The following ALPK2 variants were observed in gnomAD, a reference collection of about 807,000 sequenced individuals.
ALPK2 encodes the protein alpha-protein kinase 2.
Under a neutral mutation model 163.1 loss-of-function variants are expected in ALPK2, and 127 were observed. That is an observed-to-expected ratio of 0.78 (90% CI 0.67 to 0.90). The LOEUF (loss-of-function observed/expected upper bound fraction) is 0.90. ALPK2 is among the 40% of genes least tolerant of loss of function. The pLI, the probability that ALPK2 is intolerant of heterozygous loss-of-function variation, is 0.00. For missense variants in ALPK2, 2,360 were observed against 2,589.6 expected (o/e 0.91, Z 1.92); for synonymous variants, 953 against 959.1 (o/e 0.99, Z 0.12).
chr18:58,574,905 C>A (rs62096290), intron 4 of ALPK2, among the ~76,000 whole-genome samples: 31,235 of 152,024 alleles, frequency 0.21, 3,493 homozygotes, highest in East Asian at 0.42. Context: ...TGGTGGAGAC[C>A]AACGATCATT....
At chr18:58,510,316 C>T (rs1265319387) in intron 10 of ALPK2, among the ~76,000 whole-genome samples, 7 of 152,208 alleles carry the variant, frequency 4.6e-5, no homozygotes, top group South Asian at 2.1e-4. Flanking sequence ...AGTCAGGTAG[C>T]GCGATGCCTC....
chr18:58,582,203 G>A lies in ALPK2; in HGVS notation c.228-1655C>T, dbSNP rs1003217402. Among the ~76,000 whole-genome samples, 12 of 152,206 alleles carry A rather than the reference G, an allele frequency of 7.9e-5. No individual in the cohort carries two copies. In the South Asian group the frequency reaches 8.3e-4, roughly 11 times the overall value. ...ACTTTCTGGAGAAAACAATACCTGC[G>A]CTCCTGTCTATTTCACTAAGTTATT... is the stretch of plus-strand genomic sequence containing the variant. On this transcript the variant is annotated intron_variant, in intron 3 of 12. Coordinates refer to ENST00000361673, the MANE Select transcript of ALPK2 (RefSeq NM_052947.4).
At chr18:58,563,763 T>G (rs916447180) in intron 4 of ALPK2, among the ~76,000 whole-genome samples, 7 of 152,340 alleles carry the variant, frequency 4.6e-5, no homozygotes, top group African/African-American at 1.7e-4. Flanking sequence ...ATTCCTCCAT[T>G]GTTAGATTGT....
chr18:58,535,697 G>T lies in ALPK2; in HGVS notation c.4490C>A (p.Pro1497His). The change falls in exon 5 of 13, where the codon CCC (proline) becomes CAC (histidine). Residue 1497 changes from proline (P) to histidine (H), a missense_variant. Transcript: ENST00000361673. ...TGGAATTCTTTCACCGCCTTCGCTGGGTTGCAGGACTTGCCAAATGGCAGT... is the reference window on the plus strand; with the variant it reads ...TGGAATTCTTTCACCGCCTTCGCTGTGTTGCAGGACTTGCCAAATGGCAGT... ...AKTAIWQVLQ[P>H]SEGGERIPSG... is the part of the protein sequence containing the mutation. The T allele has an allele frequency of 6.2e-7, 1 of 1,614,242 alleles. No individual in the cohort carries two copies. Among genetic ancestry groups the T allele is most frequent in the Non-Finnish European group, 8.5e-7 (1 of 1,180,044 alleles).
At chr18:58,495,211 G>A (rs916260823) in intron 12 of ALPK2, among the ~76,000 whole-genome samples, 4 of 152,194 alleles carry the variant, frequency 2.6e-5, no homozygotes, top group Non-Finnish European at 1.5e-5. Flanking sequence ...AACTGTGATT[G>A]TAAGATATAT....
rs61636682 is a variant in ALPK2 at position 58,611,820 on chromosome 18, GAAA to G, written c.-20-6_-20-4del. The G allele has an allele frequency of 8.4e-6, 9 of 1,068,938 alleles. No homozygotes were observed. Among genetic ancestry groups the G allele is most frequent in the Admixed American group, 8.4e-5 (3 of 35,850 alleles). The allele number at this position is 1,068,938 out of a possible 1,614,324, so 66.2% of individuals were successfully genotyped here. A position where few individuals can be genotyped will look rare whatever the true frequency, so the allele number is the denominator to read the frequency against. On this transcript the variant is annotated splice_region_variant and splice_polypyrimidine_tract_variant and intron_variant, in intron 1 of 12. Transcript: ENST00000361673. Reference sequence around the variant, plus strand: ...CATCCTTTCATGCCGCACCAAATCTGAAAAAAAAAAAAATCCCCGACATCACCA... The same window carrying G: ...CATCCTTTCATGCCGCACCAAATCTGAAAAAAAAAATCCCCGACATCACCA...
intron 4 of ALPK2, among the ~76,000 whole-genome samples, chr18:58,573,613 C>CTTTTTTTTTT (rs778622176): frequency 1.2e-3 from 60 of 51,722 alleles, no homozygotes; most frequent in Middle Eastern, 0.024. Context: ...TTTTTGTCTT[C>CTTTTTTTTTT]TTTTTTTTTT....
At chr18:58,557,391 A>T (rs1332958077) in intron 4 of ALPK2, among the ~76,000 whole-genome samples, 3 of 152,140 alleles carry the variant, frequency 2.0e-5, no homozygotes, top group Non-Finnish European at 4.4e-5. Flanking sequence ...GGCACCACCG[A>T]GAGGGAACCC....
intron 3 of ALPK2, among the ~76,000 whole-genome samples, chr18:58,584,791 G>A (rs1246221023): frequency 6.6e-6 from 1 of 152,204 alleles, no homozygotes; most frequent in Non-Finnish European, 1.5e-5. Context: ...AGAACAGACT[G>A]GATGGGAAAA....
intron 4 of ALPK2, among the ~76,000 whole-genome samples, chr18:58,541,142 G>T (rs954796647): frequency 6.6e-6 from 1 of 152,212 alleles, no homozygotes; most frequent in African/African-American, 2.4e-5. Flanking sequence ...ATAAATGAAA[G>T]AGGTGTAATT....
rs2051312283 is a variant in ALPK2, at chr18:58,481,753, G to A, written c.*70C>T. On this transcript the variant is annotated 3_prime_UTR_variant, in exon 13 of 13. Coordinates refer to ENST00000361673, the MANE Select transcript of ALPK2 (RefSeq NM_052947.4). ...CTCTGCAGGCTGTATATTCTCTCCTGTGTGGCCTCAGATTTTCCCTGGCGA... is the reference window on the plus strand; with the variant it reads ...CTCTGCAGGCTGTATATTCTCTCCTATGTGGCCTCAGATTTTCCCTGGCGA... 3.9e-6 allele frequency: 5 copies of A among 1,283,732 alleles called. No individual in the cohort carries two copies. In the African/African-American group the frequency reaches 7.4e-5, roughly 19 times the overall value. 79.5% of individuals were successfully genotyped at this position (1,283,732 alleles called of 1,614,324 possible).
intron 3 of ALPK2, among the ~76,000 whole-genome samples, chr18:58,582,292 C>A (rs2144201796): frequency 6.6e-6 from 1 of 152,280 alleles, no homozygotes; most frequent in Middle Eastern, 3.4e-3. Context: ...AGTACCGAGA[C>A]AAAGATATCT....
At chr18:58,615,508 A>G (rs1267512900) in intron 1 of ALPK2, among the ~76,000 whole-genome samples, 1 of 152,236 alleles carries the variant, frequency 6.6e-6, no homozygotes, top group Non-Finnish European at 1.5e-5. Flanking sequence ...GGATTAGAAT[A>G]ATGTATGTCA....
Position 58,579,564 on chromosome 18 carries a change from G to T in ALPK2, c.1212C>A (p.His404Gln). 6.2e-7 allele frequency: 1 copy of T among 1,613,470 alleles called. No homozygotes were observed. Among genetic ancestry groups the T allele is most frequent in the Non-Finnish European group, 8.5e-7 (1 of 1,179,994 alleles). The change falls in exon 4 of 13, where the codon CAC becomes CAA. Residue 404 changes from histidine to glutamine, a missense_variant. Transcript: ENST00000361673. ...TCACCCCAACTTCTTGGGGTTGTGA[G>T]TGATGACCACAGAAGCCAGCAGTGG... The part of the protein sequence containing the change: ...MVATAGFCGH[H>Q]SQPQEVGVRS...
intron 11 of ALPK2, 125 bp downstream of exon 11, chr18:58,503,806 G>A: frequency 1.3e-6 from 1 of 780,454 alleles, no homozygotes. Flanking sequence ...AACAGCTTCT[G>A]CAGGTAAAGG....
chr18:58,626,341 G>A (rs2052230660), intron 1 of ALPK2, among the ~76,000 whole-genome samples: 1 of 152,070 alleles, frequency 6.6e-6, no homozygotes, highest in Admixed American at 6.5e-5. Context: ...CTAGCCCACG[G>A]TGCGATCCCT....
chr18:58,567,026 C>T lies in ALPK2; in HGVS notation c.1962+11788G>A, dbSNP rs1305974504. Among the ~76,000 whole-genome samples, 4 of 151,212 alleles carry T rather than the reference C, an allele frequency of 2.6e-5. No individual in the cohort carries two copies. The East Asian group carries it at 7.7e-4, about 29-fold the overall frequency. On this transcript the variant is annotated intron_variant, in intron 4 of 12. Coordinates refer to ENST00000361673, the MANE Select transcript of ALPK2 (RefSeq NM_052947.4). ...TTCAGGCCTGCATTTATTTCTCAGA[C>T]AGCATATTAAAAATGCAGGTTCAGG...
chr18:58,613,698 CA>C lies in ALPK2; in HGVS notation c.-20-1882del, dbSNP rs1223191157. Among the ~76,000 whole-genome samples the C allele has an allele frequency of 3.2e-3, 185 of 57,244 alleles. 1 individual carries two copies. The highest frequency in any genetic ancestry group is 0.016 in the Middle Eastern group (2 of 124). 37.6% of individuals were successfully genotyped at this position (57,244 alleles called of 152,430 possible). On this transcript the variant is annotated intron_variant, in intron 1 of 12. Transcript: ENST00000361673. ...TGGGCGACAGAGCAAGACTCCATCT[CA>C]AAAAAAAAAAATAATAATAATAATA... is the stretch of plus-strand genomic sequence containing the variant.
Position 58,485,877 on chromosome 18 carries a change from A to G in ALPK2, c.6297-3838T>C, listed in dbSNP as rs192350154. Among the ~76,000 whole-genome samples the G allele has an allele frequency of 2.0e-3, 310 of 152,348 alleles. 1 individual carries two copies. The highest frequency in any genetic ancestry group is 7.3e-3 in the African/African-American group (304 of 41,586). On this transcript the variant is annotated intron_variant, in intron 12 of 12. Transcript: ENST00000361673. ...GCAGGGGCAGCTTCCCTGTCTGAGC[A>G]CATTGGAAACAAGTCCCGGTCATTT...
Sources: gnomAD v4.1 joint callset for allele counts (sites outside exome capture counted in the v4.1 genomes callset) on GRCh38, gnomAD v4.1.1 for gene constraint, MANE v1.5 for transcripts, NCBI Gene and HGNC (gene_info 2026-07-23, HGNC 2026-07-21) for gene names.